MB21D2: variants seen among roughly 807,000 people sequenced by gnomAD.
The protein encoded by MB21D2 is Mab-21 domain containing 2, also known as nucleotidyltransferase MB21D2.
A neutral mutation model predicts 33.3 loss-of-function variants in MB21D2; 9 were observed. The observed-to-expected ratio is 0.27, with a 90% CI of 0.16 to 0.47. The LOEUF (loss-of-function observed/expected upper bound fraction) is 0.47. MB21D2 is among the 20% of genes least tolerant of loss of function. The pLI is 0.99. For synonymous variants in MB21D2, 241 were observed against 236.3 expected, an observed-to-expected ratio of 1.02 and a Z score of -0.18; for missense variants, 540 against 624.6, an observed-to-expected ratio of 0.86 and a Z score of 1.44.
At chr3:192,885,020 A>G (rs1435118141) in intron 1 of MB21D2, among the ~76,000 whole-genome samples, 2 of 152,086 alleles carry the variant, frequency 1.3e-5, no homozygotes, top group Non-Finnish European at 2.9e-5. Flanking sequence ...TTTCTGGAAG[A>G]TTAGAGATAT....
intron 1 of MB21D2, among the ~76,000 whole-genome samples, chr3:192,843,946 C>T (rs1351142938): frequency 6.6e-6 from 1 of 152,158 alleles, no homozygotes; most frequent in Non-Finnish European, 1.5e-5. Flanking sequence ...TCCCACACTA[C>T]CAGACTTGGG....
chr3:192,820,026 A>C (rs575637655), intron 1 of MB21D2, among the ~76,000 whole-genome samples: 1 of 152,292 alleles, frequency 6.6e-6, no homozygotes, highest in South Asian at 2.1e-4. Context: ...TTGGCTACCA[A>C]GTAAGTTGGG....
intron 1 of MB21D2, among the ~76,000 whole-genome samples, chr3:192,913,906 C>T (rs980760732): frequency 4.6e-5 from 7 of 152,116 alleles, no homozygotes; most frequent in African/African-American, 1.7e-4. Flanking sequence ...TAGATTTTAA[C>T]ATTTTATTAT....
intron 1 of MB21D2, among the ~76,000 whole-genome samples, chr3:192,826,106 G>C (rs1352638192): frequency 6.6e-6 from 1 of 152,190 alleles, no homozygotes; most frequent in African/African-American, 2.4e-5. Flanking sequence ...TATTCACGAG[G>C]ATAGTAATTC....
At chr3:192,916,066 G>C (rs370663670) in intron 1 of MB21D2, among the ~76,000 whole-genome samples, 19 of 148,718 alleles carry the variant, frequency 1.3e-4, no homozygotes, top group African/African-American at 4.5e-4. Context: ...AGCATTTTAG[G>C]CTTCCCTGTG....
chr3:192,874,641 A>G (rs953085659), intron 1 of MB21D2, among the ~76,000 whole-genome samples: 1 of 152,136 alleles, frequency 6.6e-6, no homozygotes, highest in Non-Finnish European at 1.5e-5. Context: ...GCCCCTTCAT[A>G]TTCGCTTCCT....
intron 1 of MB21D2, among the ~76,000 whole-genome samples, chr3:192,824,158 C>T (rs1712118232): frequency 2.0e-5 from 3 of 152,216 alleles, no homozygotes; most frequent in South Asian, 2.1e-4. Flanking sequence ...CCACTTGGAC[C>T]GAAAGCTTTT....
chr3:192,798,776 G>A lies in MB21D2; in HGVS notation c.1086C>T (p.Ile362=), dbSNP rs141646751. 843 of 1,612,934 alleles carry A rather than the reference G, an allele frequency of 5.2e-4. 2 individuals are homozygous for A. Among genetic ancestry groups the A allele is most frequent in the Non-Finnish European group, 6.2e-4 (729 of 1,179,932 alleles). The part of the protein sequence containing the change: ...DYAAHFLLGL[I]DDLQHCLVNK... ...TGACCAGACAGTGTTGCAGGTCATCGATGAGGCCCAGCAAAAAGTGGGCTG... is the reference window on the plus strand; with the variant it reads ...TGACCAGACAGTGTTGCAGGTCATCAATGAGGCCCAGCAAAAAGTGGGCTG... Residue 362 remains isoleucine (I), a synonymous_variant, in exon 2 of 2, where the codon ATC becomes ATT. Transcript: ENST00000392452. This position sits in a 1 kb window ranked among gnomAD's most constrained non-coding sequence, Gnocchi z 4.8.
intron 1 of MB21D2, among the ~76,000 whole-genome samples, chr3:192,854,699 T>C (rs181192897): frequency 6.6e-6 from 1 of 152,200 alleles, no homozygotes; most frequent in African/African-American, 2.4e-5. Context: ...GACTCTCTTG[T>C]TAGAAGCTAA....
In MB21D2 at chr3:192,827,259, T is replaced by C. The variant is rs1018194796; in HGVS notation, c.212-27609A>G. On this transcript the variant is annotated intron_variant, in intron 1 of 1. Coordinates refer to ENST00000392452, the MANE Select transcript of MB21D2 (RefSeq NM_178496.4). ...CTTCCTCTCAAATTAAGAAGCAAAATTTCACACTTTCCAAGCTCCCCAACC... is the reference window on the plus strand; with the variant it reads ...CTTCCTCTCAAATTAAGAAGCAAAACTTCACACTTTCCAAGCTCCCCAACC... 1.1e-4 allele frequency among the ~76,000 whole-genome samples: 17 copies of C among 151,992 alleles called. 1 individual carries two copies. Among genetic ancestry groups the C allele is most frequent in the African/African-American group, 4.1e-4 (17 of 41,310 alleles).
chr3:192,862,519 G>A (rs1175816440), intron 1 of MB21D2, among the ~76,000 whole-genome samples: 1 of 152,190 alleles, frequency 6.6e-6, no homozygotes, highest in Non-Finnish European at 1.5e-5. Flanking sequence ...CGACCATTTA[G>A]AGGAGAGACA....
chr3:192,825,357 C>T (rs878986366), intron 1 of MB21D2, among the ~76,000 whole-genome samples: 6 of 152,164 alleles, frequency 3.9e-5, no homozygotes, highest in Admixed American at 3.9e-4. Flanking sequence ...CAGTTCATTT[C>T]AGGCAAATTC....
At chr3:192,823,187 A>G (rs1712097131) in intron 1 of MB21D2, among the ~76,000 whole-genome samples, 1 of 152,234 alleles carries the variant, frequency 6.6e-6, no homozygotes, top group South Asian at 2.1e-4. Context: ...AACCAAACAC[A>G]TTTAAAATAA....
At position 192,799,656 on chromosome 3, in the gene MB21D2, A is replaced by G; in HGVS notation, c.212-6T>C. 5 of 1,607,070 alleles carry G rather than the reference A, an allele frequency of 3.1e-6. No homozygotes were observed. The highest frequency in any genetic ancestry group is 4.2e-6 in the Non-Finnish European group (5 of 1,177,182). ...GTCCAGCTTTTGCACCATTCCTGGA[A>G]ATAAAGAAGAAAAAAACAACACTAT... On this transcript the variant is annotated splice_polypyrimidine_tract_variant and splice_region_variant and intron_variant, in intron 1 of 1. Transcript: ENST00000392452. This position sits in a 1 kb window ranked among gnomAD's most constrained non-coding sequence, Gnocchi z 4.1.
At chr3:192,896,155 T>TA (rs1435425053) in intron 1 of MB21D2, among the ~76,000 whole-genome samples, 3 of 152,236 alleles carry the variant, frequency 2.0e-5, no homozygotes, top group African/African-American at 7.2e-5. Context: ...AAAACCTTTT[T>TA]AAAAAAACAT....
At chr3:192,870,233 C>A (rs12629316) in intron 1 of MB21D2, among the ~76,000 whole-genome samples, 1 of 151,864 alleles carries the variant, frequency 6.6e-6, no homozygotes, top group African/African-American at 2.4e-5. Context: ...AGTCAGGATT[C>A]CTGACTGTGT....
At chr3:192,876,972 C>T (rs747455962) in intron 1 of MB21D2, among the ~76,000 whole-genome samples, 16 of 152,218 alleles carry the variant, frequency 1.1e-4, no homozygotes, top group Admixed American at 2.0e-4. Flanking sequence ...CCTCTGCCCT[C>T]GAGTTTATTT....
In MB21D2 at chr3:192,917,791, T is replaced by A; in HGVS notation, c.50A>T (p.Asn17Ile). The change falls in exon 1 of 2, where the codon AAC (asparagine) becomes ATC (isoleucine). Residue 17 changes from asparagine to isoleucine, a missense_variant. Coordinates refer to ENST00000392452, the MANE Select transcript of MB21D2 (RefSeq NM_178496.4). Reference protein sequence around the residue: ...TANKAASLGCNNKPAFPELDF... With the variant: ...TANKAASLGCINKPAFPELDF... ...CAGCTCCGGGAACGCAGGCTTGTTGTTACAGCCCAGGGAGGCTGCCTTGTT... is the reference window on the plus strand; with the variant it reads ...CAGCTCCGGGAACGCAGGCTTGTTGATACAGCCCAGGGAGGCTGCCTTGTT... The A allele has an allele frequency of 6.2e-7, 1 of 1,613,460 alleles. No individual in the cohort carries two copies. The highest frequency in any genetic ancestry group is 8.5e-7 in the Non-Finnish European group (1 of 1,180,020).
intron 1 of MB21D2, among the ~76,000 whole-genome samples, chr3:192,884,626 C>T (rs916355964): frequency 6.6e-6 from 1 of 152,050 alleles, no homozygotes; most frequent in African/African-American, 2.4e-5. Context: ...CTTGGCCTCC[C>T]AAAGTGCTGG....
Sources: gnomAD v4.1 joint callset for allele counts (sites outside exome capture counted in the v4.1 genomes callset) on GRCh38, gnomAD v4.1.1 for gene constraint, Gnocchi (gnomAD v3.1) non-coding constraint, MANE v1.5 for transcripts, NCBI Gene and HGNC (gene_info 2026-07-23, HGNC 2026-07-21) for gene names.